The following SPATA6 variants were observed in gnomAD, a reference collection of about 807,000 sequenced individuals.
The protein encoded by SPATA6 is spermatogenesis-associated protein 6.
In SPATA6, 56 loss-of-function variants were observed where a neutral mutation model predicts 65.3. The ratio of observed to expected loss-of-function variants is 0.86; its 90% CI spans 0.69 to 1.07. The LOEUF (loss-of-function observed/expected upper bound fraction) is 1.07. SPATA6 is among the 50% of genes least tolerant of loss of function. The pLI is 0.00. For missense variants in SPATA6, 590 were observed against 594.8 expected (o/e 0.99, Z 0.08); for synonymous variants, 199 against 213.2 (o/e 0.93, Z 0.58).
At chr1:48,459,975 C>A (rs1338767006) in intron 1 of SPATA6, among the ~76,000 whole-genome samples, 2 of 151,864 alleles carry the variant, frequency 1.3e-5, no homozygotes, top group African/African-American at 4.8e-5. Flanking sequence ...GTAATTAAGT[C>A]ATTTTTTTTT....
downstream of SPATA6, among the ~76,000 whole-genome samples, chr1:48,294,234 G>A (rs899731083): frequency 6.6e-6 from 1 of 152,030 alleles, no homozygotes; most frequent in African/African-American, 2.4e-5. Context: ...ATGCCACTAC[G>A]CCTGGCTGAT....
rs781669150 is a variant in SPATA6, at chr1:48,423,564, C to CTTT, written c.239-10416_239-10414dup. On this transcript the variant is annotated intron_variant, in intron 3 of 12. Transcript: ENST00000371847. ...AATGTTTAATTTTCTTTCTTTCTTT[C>CTTT]TTTTTTTTTTTTTTTTTTTGTCACA... Among the ~76,000 whole-genome samples the CTTT allele has an allele frequency of 1.1e-3, 133 of 121,038 alleles. 1 individual carries two copies. Among genetic ancestry groups the CTTT allele is most frequent in the Middle Eastern group, 4.2e-3 (1 of 236 alleles). The allele number at this position is 121,038 out of a possible 152,430, so 79.4% of individuals were successfully genotyped here.
At chr1:48,420,687 A>G (rs1253843554) in intron 3 of SPATA6, among the ~76,000 whole-genome samples, 1 of 152,180 alleles carries the variant, frequency 6.6e-6, no homozygotes, top group African/African-American at 2.4e-5. Context: ...GCAACAACAA[A>G]CTAACCTAGT....
Position 48,305,823 on chromosome 1 carries a change from C to T in SPATA6, c.1250G>A (p.Cys417Tyr), listed in dbSNP as rs146403891. 3.1e-6 allele frequency: 5 copies of T among 1,612,380 alleles called. No individual in the cohort carries two copies. In the Middle Eastern group the frequency reaches 5.0e-4, roughly 160 times the overall value. The change falls in exon 12 of 13, where the codon TGT becomes TAT. Residue 417 changes from cysteine to tyrosine, a missense_variant. Physicochemically the swap from Cys to Tyr is radical, Grantham distance 194. Coordinates refer to ENST00000371847, the MANE Select transcript of SPATA6 (RefSeq NM_019073.4). Reference sequence around the variant, plus strand: ...GTCACTGTCATAGGCAGAGTCTCTACATAAAAGACTTCTTTTCAGTTCCAG... The same window carrying T: ...GTCACTGTCATAGGCAGAGTCTCTATATAAAAGACTTCTTTTCAGTTCCAG... ...DELELKRSLL[C>Y]RDSAYDSDPE... is the part of the protein sequence containing the mutation.
intron 8 of SPATA6, among the ~76,000 whole-genome samples, chr1:48,386,206 C>G (rs1649446319): frequency 6.6e-6 from 1 of 152,102 alleles, no homozygotes; most frequent in African/African-American, 2.4e-5. Flanking sequence ...GTGAAAATCC[C>G]CAGAAAAGTA....
At chr1:48,304,394 GA>G (rs1394973198) in intron 12 of SPATA6, among the ~76,000 whole-genome samples, 4 of 152,142 alleles carry the variant, frequency 2.6e-5, no homozygotes, top group Non-Finnish European at 5.9e-5. Context: ...CTTGGTAGCT[GA>G]AAAAAGAACC....
chr1:48,278,553 G>A, the SPATA6 span, among the ~76,000 whole-genome samples: 1 of 152,218 alleles, frequency 6.6e-6, no homozygotes, highest in Non-Finnish European at 1.5e-5. Flanking sequence ...CTCAGGAGCT[G>A]ATGTGATCAA....
chr1:48,294,404 C>G (rs1644787746), downstream of SPATA6, among the ~76,000 whole-genome samples: 1 of 152,050 alleles, frequency 6.6e-6, no homozygotes, highest in African/African-American at 2.4e-5. Context: ...AAGGGCTGCC[C>G]TCAAACTATC....
chr1:48,279,693 T>G, the SPATA6 span, among the ~76,000 whole-genome samples: 1 of 151,996 alleles, frequency 6.6e-6, no homozygotes, highest in Non-Finnish European at 1.5e-5. Context: ...AAGTCCTGAG[T>G]GACCTACAAA....
chr1:48,431,438 A>G (rs1308123389), intron 3 of SPATA6, among the ~76,000 whole-genome samples: 1 of 152,188 alleles, frequency 6.6e-6, no homozygotes, highest in African/African-American at 2.4e-5. Flanking sequence ...ACAGATATTT[A>G]CCAAACACTC....
chr1:48,451,796 C>T (rs1415119928), intron 2 of SPATA6, among the ~76,000 whole-genome samples, 196 bp from the exon 3 acceptor site: 1 of 152,178 alleles, frequency 6.6e-6, no homozygotes, highest in Non-Finnish European at 1.5e-5. Context: ...CCGTCTCCAA[C>T]TTCCTCTGCT....
chr1:48,348,448 G>A (rs1270755947), intron 11 of SPATA6, among the ~76,000 whole-genome samples: 1 of 151,658 alleles, frequency 6.6e-6, no homozygotes, highest in Non-Finnish European at 1.5e-5. Flanking sequence ...ATGACCAGAG[G>A]CTCATTTAGA....
At chr1:48,417,830 A>G (rs1481109933) in intron 3 of SPATA6, among the ~76,000 whole-genome samples, 1 of 152,040 alleles carries the variant, frequency 6.6e-6, no homozygotes, top group Non-Finnish European at 1.5e-5. Context: ...TCCATCTCAA[A>G]AACAAAAAAA....
At chr1:48,356,979 TG>T (rs1646679900) in intron 10 of SPATA6, among the ~76,000 whole-genome samples, 2 of 152,156 alleles carry the variant, frequency 1.3e-5, no homozygotes, top group African/African-American at 4.8e-5. Context: ...TAGCAGACTT[TG>T]TTATTTGCAA....
At chr1:48,366,964 T>C (rs1356445167) in intron 9 of SPATA6, among the ~76,000 whole-genome samples, 1 of 152,236 alleles carries the variant, frequency 6.6e-6, no homozygotes, top group African/African-American at 2.4e-5. Flanking sequence ...CACACTGCTT[T>C]GAATATGTCC....
intron 1 of SPATA6, among the ~76,000 whole-genome samples, chr1:48,466,029 G>A (rs2148199651): frequency 6.6e-6 from 1 of 151,934 alleles, no homozygotes; most frequent in African/African-American, 2.4e-5. Flanking sequence ...TAATACCACA[G>A]GACTCCCCAA....
chr1:48,262,480 G>A, the SPATA6 span: 1 of 152,044 alleles, frequency 6.6e-6, no homozygotes, highest in African/African-American at 2.4e-5. Context: ...CCTACCTTTG[G>A]TGCAAATACA....
At chr1:48,337,024 G>A (rs1646079325) in intron 11 of SPATA6, among the ~76,000 whole-genome samples, 1 of 151,934 alleles carries the variant, frequency 6.6e-6, no homozygotes, top group South Asian at 2.1e-4. Flanking sequence ...CCTGAAAAAG[G>A]CTGGGAATAT....
chr1:48,278,774 G>T, the SPATA6 span, among the ~76,000 whole-genome samples: 1 of 152,182 alleles, frequency 6.6e-6, no homozygotes, highest in Non-Finnish European at 1.5e-5. Context: ...TATTATCCAG[G>T]AGAACTTCCC....
Sources: gnomAD v4.1 joint callset for allele counts (sites outside exome capture counted in the v4.1 genomes callset) on GRCh38, gnomAD v4.1.1 for gene constraint, MANE v1.5 for transcripts, NCBI Gene and HGNC (gene_info 2026-07-23, HGNC 2026-07-21) for gene names.